The following TPRG1 variants were observed in gnomAD, a reference collection of about 807,000 sequenced individuals.
TPRG1 encodes the protein tumor protein p63-regulated gene 1 protein.
Under a neutral mutation model 29.3 loss-of-function variants are expected in TPRG1, and 29 were observed. The observed-to-expected ratio is 0.99, with a 90% CI of 0.74 to 1.35. The LOEUF (loss-of-function observed/expected upper bound fraction) is 1.35. TPRG1 is among the 40% of genes most tolerant of loss of function. The pLI is 0.00. For synonymous variants in TPRG1, 130 were observed against 116.8 expected, an observed-to-expected ratio of 1.11 and a Z score of -0.73; for missense variants, 327 against 335.0, an observed-to-expected ratio of 0.98 and a Z score of 0.19.
At chr3:189,109,490 A>G (rs977833002) in intron 1 of TPRG1, among the ~76,000 whole-genome samples, 5 of 152,216 alleles carry the variant, frequency 3.3e-5, no homozygotes, top group Admixed American at 6.5e-5. Context: ...TTAATGGCAT[A>G]AATTTTGGAG....
At chr3:189,045,109 A>T (rs570235326) in intron 4 of TPRG1, among the ~76,000 whole-genome samples, 3 of 152,192 alleles carry the variant, frequency 2.0e-5, no homozygotes, top group Non-Finnish European at 4.4e-5. Context: ...TGTGCCCTTC[A>T]TGGGTTAAGG....
At chr3:189,119,408 T>C (rs1246037127) in intron 1 of TPRG1, among the ~76,000 whole-genome samples, 1 of 152,194 alleles carries the variant, frequency 6.6e-6, no homozygotes, top group Non-Finnish European at 1.5e-5. Flanking sequence ...GGATTAATGC[T>C]GGAATGACCT....
chr3:189,304,688 C>A (rs576181426), intron 4 of TPRG1, among the ~76,000 whole-genome samples: 1 of 152,226 alleles, frequency 6.6e-6, no homozygotes, highest in African/African-American at 2.4e-5. Context: ...ATTCAATGAG[C>A]AAAGGAGCAT....
intron 1 of TPRG1, among the ~76,000 whole-genome samples, chr3:189,103,266 T>C (rs1470952790): frequency 6.6e-6 from 1 of 152,194 alleles, no homozygotes; most frequent in Non-Finnish European, 1.5e-5. Context: ...AGTTTAATTG[T>C]TGTAACAGAG....
At chr3:189,307,078 A>G (rs781080582) in intron 4 of TPRG1, among the ~76,000 whole-genome samples, 7 of 152,194 alleles carry the variant, frequency 4.6e-5, no homozygotes, top group Non-Finnish European at 1.0e-4. Context: ...GCTGAAGTGC[A>G]GTGGCATGAT....
At chr3:189,293,202 T>A (rs536074260) in intron 4 of TPRG1, among the ~76,000 whole-genome samples, 11 of 152,328 alleles carry the variant, frequency 7.2e-5, no homozygotes, top group African/African-American at 2.6e-4. Context: ...AATGAGATGA[T>A]GTGGAGGCTC....
intron 4 of TPRG1, among the ~76,000 whole-genome samples, chr3:189,272,350 G>A (rs900169135): frequency 1.3e-5 from 2 of 152,192 alleles, no homozygotes; most frequent in East Asian, 3.9e-4. Context: ...ACTCTGCCAG[G>A]ACTGGCTGTG....
chr3:189,062,649 G>A (rs929216300), intron 4 of TPRG1, among the ~76,000 whole-genome samples: 4 of 152,036 alleles, frequency 2.6e-5, no homozygotes, highest in Admixed American at 2.6e-4. Context: ...CTAAATTAAA[G>A]GGAGGATTCC....
chr3:189,103,074 A>G (rs909246122), intron 1 of TPRG1, among the ~76,000 whole-genome samples: 1 of 152,162 alleles, frequency 6.6e-6, no homozygotes, highest in African/African-American at 2.4e-5. Flanking sequence ...CTGCCAATCA[A>G]TTAACTCTCC....
At chr3:189,296,574 T>G (rs554152486) in intron 4 of TPRG1, among the ~76,000 whole-genome samples, 1 of 152,188 alleles carries the variant, frequency 6.6e-6, no homozygotes, top group Non-Finnish European at 1.5e-5. Context: ...ACTGTTGTAG[T>G]ATTGTTTCCT....
At chr3:189,110,089 A>C (rs1160962744) in intron 1 of TPRG1, among the ~76,000 whole-genome samples, 1 of 152,144 alleles carries the variant, frequency 6.6e-6, no homozygotes, top group African/African-American at 2.4e-5. Context: ...AGCATACAGG[A>C]TTTTGTGTGA....
intron 1 of TPRG1, among the ~76,000 whole-genome samples, chr3:189,112,691 T>C (rs1252979250): frequency 1.3e-5 from 2 of 152,304 alleles, no homozygotes; most frequent in East Asian, 1.9e-4. Flanking sequence ...GTTGTAGATA[T>C]GTAGCATTAT....
At chr3:189,187,209 A>G (rs1404509479) in intron 1 of TPRG1, among the ~76,000 whole-genome samples, 1 of 151,948 alleles carries the variant, frequency 6.6e-6, no homozygotes. Context: ...GCTGGTCTCA[A>G]ACCACTGGGC....
intron 4 of TPRG1, among the ~76,000 whole-genome samples, chr3:189,308,850 A>G (rs994505345): frequency 2.0e-5 from 3 of 152,120 alleles, no homozygotes; most frequent in African/African-American, 7.2e-5. Context: ...AGAATGCTCC[A>G]TTTACCAGCA....
intron 4 of TPRG1, among the ~76,000 whole-genome samples, chr3:189,035,072 C>G (rs1430781954): frequency 1.3e-5 from 2 of 152,076 alleles, no homozygotes; most frequent in African/African-American, 4.8e-5. Context: ...CAGCATGGTA[C>G]TAGTATAAAA....
chr3:189,037,289 A>G (rs1487214771), intron 4 of TPRG1, among the ~76,000 whole-genome samples: 1 of 151,900 alleles, frequency 6.6e-6, no homozygotes, highest in Non-Finnish European at 1.5e-5. Flanking sequence ...AAAGAAAAAA[A>G]CATGATGAAC....
intron 4 of TPRG1, among the ~76,000 whole-genome samples, chr3:189,074,199 CTTTTTT>C (rs554150288): frequency 1.0e-3 from 68 of 68,086 alleles, no homozygotes; most frequent in African/African-American, 4.5e-3. Flanking sequence ...AATTATTTTC[CTTTTTT>C]TTTTTTTTTT....
chr3:189,224,500 A>G (rs377748826), intron 3 of TPRG1, among the ~76,000 whole-genome samples: 2 of 152,172 alleles, frequency 1.3e-5, no homozygotes, highest in African/African-American at 4.8e-5. Context: ...ACAACAACAA[A>G]AAAACAAAAA....
At chr3:189,153,969 A>G (rs1413278855) in intron 5 of TPRG1, among the ~76,000 whole-genome samples, 5 of 152,220 alleles carry the variant, frequency 3.3e-5, no homozygotes, top group Admixed American at 3.3e-4. Context: ...GCCACTGGAC[A>G]TCATTGCAGC....
Sources: allele counts gnomAD v4.1 joint callset (sites outside exome capture counted in the v4.1 genomes callset), GRCh38; gene constraint gnomAD v4.1.1; transcripts MANE v1.5; gene names NCBI Gene and HGNC (gene_info 2026-07-23, HGNC 2026-07-21).